ANO1: variants seen among roughly 807,000 people sequenced by gnomAD.
ANO1 encodes anoctamin-1.
A neutral mutation model predicts 124.0 loss-of-function variants in ANO1; 59 were observed. The observed-to-expected ratio is 0.48, with a 90% CI of 0.39 to 0.59. The LOEUF (loss-of-function observed/expected upper bound fraction) is 0.59, where lower values mean the gene tolerates loss of function less well. ANO1 is among the 20% of genes least tolerant of loss of function. The pLI is 0.00. For synonymous variants in ANO1, 529 were observed against 532.0 expected, an observed-to-expected ratio of 0.99 and a Z score of 0.08; for missense variants, 1,059 against 1,328.0, an observed-to-expected ratio of 0.80 and a Z score of 3.15.
intron 2 of ANO1, among the ~76,000 whole-genome samples, chr11:70,095,308 GAAAGAAAGA>G (rs2044840382): frequency 9.8e-6 from 1 of 102,274 alleles, no homozygotes; most frequent in Non-Finnish European, 2.1e-5. Flanking sequence ...AGGAAAGAAA[GAAAGAAAGA>G]AAGGAAAGAA....
At chr11:70,120,823 C>T (rs535203282) in intron 8 of ANO1, among the ~76,000 whole-genome samples, 16 of 152,208 alleles carry the variant, frequency 1.1e-4, no homozygotes, top group African/African-American at 3.6e-4. Context: ...CTCCAGGGTC[C>T]GGATGCTGGA....
At chr11:70,147,293 C>T (rs1290606450) in intron 11 of ANO1, among the ~76,000 whole-genome samples, 2 of 152,226 alleles carry the variant, frequency 1.3e-5, no homozygotes, top group African/African-American at 4.8e-5. Flanking sequence ...AGAGCAGCTA[C>T]AGGGGCCAAA....
At chr11:69,989,553 G>T (rs1856114392) in intron 1 of ANO1, among the ~76,000 whole-genome samples, 1 of 152,088 alleles carries the variant, frequency 6.6e-6, no homozygotes, top group Non-Finnish European at 1.5e-5. Flanking sequence ...GCCAGTGTGG[G>T]GGTCTCCAGG....
At chr11:70,108,739 G>A (rs138501952) in intron 6 of ANO1, among the ~76,000 whole-genome samples, 320 of 152,232 alleles carry the variant, frequency 2.1e-3, no homozygotes, top group South Asian at 8.1e-3. Flanking sequence ...TGACCCTCAC[G>A]GTCCAGTGGG....
chr11:69,970,921 C>T, the ANO1 span, among the ~76,000 whole-genome samples: 11 of 152,292 alleles, frequency 7.2e-5, no homozygotes, highest in African/African-American at 2.6e-4. Context: ...CAGCAGGAAA[C>T]AGAAAGGGCA....
intron 1 of ANO1, among the ~76,000 whole-genome samples, chr11:70,003,061 A>G (rs1383015372): frequency 1.3e-5 from 2 of 152,154 alleles, no homozygotes; most frequent in Non-Finnish European, 2.9e-5. Context: ...CGTAAACAAA[A>G]TAGAAAGAAA....
chr11:70,049,527 T>C (rs531330395), intron 1 of ANO1, among the ~76,000 whole-genome samples: 2 of 152,314 alleles, frequency 1.3e-5, no homozygotes, highest in South Asian at 2.1e-4. Flanking sequence ...CAGGTCATGC[T>C]CTGAGCACCT....
At chr11:70,092,293 C>T (rs2044664092) in intron 2 of ANO1, among the ~76,000 whole-genome samples, 1 of 152,222 alleles carries the variant, frequency 6.6e-6, no homozygotes, top group Non-Finnish European at 1.5e-5. Context: ...AGTGAGATCA[C>T]ATTGATAAGT....
chr11:70,012,048 A>G (rs534786556), intron 1 of ANO1, among the ~76,000 whole-genome samples: 10 of 151,262 alleles, frequency 6.6e-5, no homozygotes, highest in Admixed American at 2.0e-4. Flanking sequence ...CTATCCATCC[A>G]TTGTTGGATC....
Position 70,078,398 on chromosome 11 carries a change from A to C in ANO1, c.-209A>C, listed in dbSNP as rs1316403093. The C allele has an allele frequency of 2.0e-5, 3 of 147,840 alleles. No individual in the cohort carries two copies. The highest frequency in any genetic ancestry group is 6.7e-5 in the Admixed American group (1 of 14,870). The allele number at this position is 147,840 out of a possible 1,614,324, so 9.2% of individuals were successfully genotyped here. ...CGGCGCGATCGGCCCCGAGAGGCTC[A>C]GGCGCCCCCCGCATCGAGCGCGCGG... On this transcript the variant is annotated 5_prime_UTR_variant, in exon 1 of 26. Transcript: ENST00000355303.
chr11:69,983,223 C>A (rs1409786819), upstream of ANO1, among the ~76,000 whole-genome samples: 1 of 152,004 alleles, frequency 6.6e-6, no homozygotes, highest in Non-Finnish European at 1.5e-5. Context: ...TCTGTGCCTA[C>A]CCCCAAGCCA....
intron 2 of ANO1, among the ~76,000 whole-genome samples, chr11:70,093,411 G>A (rs751971325): frequency 1.3e-5 from 2 of 151,802 alleles, no homozygotes; most frequent in Non-Finnish European, 2.9e-5. Context: ...TGGCCAACAT[G>A]TTTTCTTGCA....
chr11:70,142,047 C>A (rs1292856077), intron 11 of ANO1, among the ~76,000 whole-genome samples: 3 of 152,218 alleles, frequency 2.0e-5, no homozygotes, highest in Non-Finnish European at 4.4e-5. Context: ...CCAGAGACTT[C>A]AGCTTGCTGC....
At chr11:70,041,782 G>A (rs1857186881) in intron 1 of ANO1, among the ~76,000 whole-genome samples, 1 of 152,052 alleles carries the variant, frequency 6.6e-6, no homozygotes, top group Admixed American at 6.5e-5. Context: ...GATGTTGGAG[G>A]AAATTTTCTG....
chr11:70,026,776 C>T (rs1856915172), intron 1 of ANO1, among the ~76,000 whole-genome samples: 1 of 152,120 alleles, frequency 6.6e-6, no homozygotes, highest in South Asian at 2.1e-4. Flanking sequence ...CCTGCACCTC[C>T]CCAGCTCTCG....
At chr11:70,161,759 A>C (rs2155461) in intron 18 of ANO1, 26 bp downstream of exon 18, 1,595,234 of 1,608,222 alleles carry the variant, frequency 0.99, 791,458 homozygotes, top group East Asian at 1. Context: ...GCCTTTCCCC[A>C]ACCTCGCTTC....
At chr11:70,146,022 G>A (rs1247879312) in intron 11 of ANO1, among the ~76,000 whole-genome samples, 1 of 150,894 alleles carries the variant, frequency 6.6e-6, no homozygotes, top group Non-Finnish European at 1.5e-5. Context: ...CCTTAGGCAA[G>A]TTACTTAACC....
At chr11:70,158,324 C>A (rs902938098) in intron 16 of ANO1, among the ~76,000 whole-genome samples, 5 of 152,236 alleles carry the variant, frequency 3.3e-5, no homozygotes, top group Non-Finnish European at 4.4e-5. Flanking sequence ...AATGACCCTG[C>A]CCTCGTCCAG....
intron 10 of ANO1, 43 bp from the exon 11 acceptor site, chr11:70,131,876 A>G (rs1214785419): frequency 1.3e-6 from 2 of 1,577,580 alleles, no homozygotes; most frequent in East Asian, 2.3e-5. Flanking sequence ...GTGCTCCATC[A>G]TGGCCCAACA....
Sources: gnomAD v4.1 joint callset for allele counts (sites outside exome capture counted in the v4.1 genomes callset) on GRCh38, gnomAD v4.1.1 for gene constraint, MANE v1.5 for transcripts, NCBI Gene and HGNC (gene_info 2026-07-23, HGNC 2026-07-21) for gene names.